CAMSAP2: variants seen among roughly 807,000 people sequenced by gnomAD.
The protein encoded by CAMSAP2 is calmodulin-regulated spectrin-associated protein 2.
A neutral mutation model predicts 146.1 loss-of-function variants in CAMSAP2; 26 were observed. That is an observed-to-expected ratio of 0.18 (90% CI 0.13 to 0.25). CAMSAP2 has a LOEUF of 0.25. CAMSAP2 is among the 10% of genes least tolerant of loss of function. The pLI is 1.00. For missense variants in CAMSAP2, 1,381 were observed against 1,759.3 expected (o/e 0.78, Z 3.85); for synonymous variants, 499 against 596.6 (o/e 0.84, Z 2.38).
Position 200,857,136 on chromosome 1 carries a change from A to T in CAMSAP2, c.4013-170A>T, listed in dbSNP as rs1231699602. Among the ~76,000 whole-genome samples the T allele has an allele frequency of 1.3e-5, 2 of 152,208 alleles. No individual in the cohort carries two copies. Among genetic ancestry groups the T allele is most frequent in the African/African-American group, 4.8e-5 (2 of 41,460 alleles). Reference sequence around the variant, plus strand: ...GAACATCCTCCATATCTCTGGGTGGATAAAACAATGTTTTGGTTGGATTGC... The same window carrying T: ...GAACATCCTCCATATCTCTGGGTGGTTAAAACAATGTTTTGGTTGGATTGC... On this transcript the variant is annotated intron_variant, in intron 15 of 16. Transcript: ENST00000358823. The surrounding 1 kb of genome is among the most constrained non-coding windows in gnomAD (Gnocchi z 4.7).
intron 2 of CAMSAP2, among the ~76,000 whole-genome samples, chr1:200,793,380 G>A (rs1033259569): frequency 5.2e-4 from 79 of 152,048 alleles, no homozygotes; most frequent in African/African-American, 1.8e-3. Context: ...TTTTTTTAAT[G>A]GATATTAGTA....
chr1:200,765,450 CG>C, intron 2 of CAMSAP2, among the ~76,000 whole-genome samples: 1 of 151,970 alleles, frequency 6.6e-6, no homozygotes, highest in Non-Finnish European at 1.5e-5. Flanking sequence ...AGGCTGGTCT[CG>C]AGCTCCTGAC....
intron 2 of CAMSAP2, among the ~76,000 whole-genome samples, chr1:200,774,339 C>T (rs1665206578): frequency 1.3e-5 from 2 of 152,078 alleles, no homozygotes; most frequent in South Asian, 4.1e-4. Context: ...TGCTCAGATT[C>T]CTTCTCAGCC....
intron 6 of CAMSAP2, among the ~76,000 whole-genome samples, chr1:200,840,877 T>C (rs1667307425): frequency 6.6e-6 from 1 of 152,174 alleles, no homozygotes. Context: ...TTTTAAATAG[T>C]TATGAAAACA....
chr1:200,792,905 G>A (rs551467555), intron 2 of CAMSAP2, among the ~76,000 whole-genome samples: 1 of 152,216 alleles, frequency 6.6e-6, no homozygotes, highest in South Asian at 2.1e-4. Flanking sequence ...GTTACCATTG[G>A]GGGAAACTGG....
intron 2 of CAMSAP2, among the ~76,000 whole-genome samples, chr1:200,770,899 A>G (rs1665098032): frequency 2.0e-5 from 3 of 152,208 alleles, no homozygotes; most frequent in Non-Finnish European, 4.4e-5. Flanking sequence ...GTAGAAAGAA[A>G]AAATGCATAG....
chr1:200,826,100 G>A (rs535267101), intron 4 of CAMSAP2, among the ~76,000 whole-genome samples: 2 of 152,160 alleles, frequency 1.3e-5, no homozygotes, highest in African/African-American at 2.4e-5. Context: ...TTCCATCAGC[G>A]ATTCGGCATA....
chr1:200,817,165 C>T (rs541764269), intron 4 of CAMSAP2, among the ~76,000 whole-genome samples: 22 of 68,080 alleles, frequency 3.2e-4, no homozygotes, highest in African/African-American at 1.4e-3. Context: ...CATACACACA[C>T]GTGTGTGTAT....
intron 2 of CAMSAP2, among the ~76,000 whole-genome samples, chr1:200,807,047 T>G (rs76038255): frequency 2.0e-3 from 307 of 152,256 alleles, no homozygotes; most frequent in African/African-American, 6.7e-3. Flanking sequence ...GAGGAAAGAC[T>G]GTCAAAGATG....
Position 200,859,742 on chromosome 1 carries a change from T to A in CAMSAP2, c.*1683T>A, listed in dbSNP as rs148238826. ...ACATATTGTGTATATAACATATGGA[T>A]ATTAAAAATGGGGAATTGCACATTT... On this transcript the variant is annotated 3_prime_UTR_variant, in exon 17 of 17. Coordinates refer to ENST00000358823, the MANE Select transcript of CAMSAP2 (RefSeq NM_203459.4). 2.0e-3 allele frequency: 304 copies of A among 152,366 alleles called. 1 individual carries two copies. The highest frequency in any genetic ancestry group is 7.0e-3 in the African/African-American group (293 of 41,564). The allele number at this position is 152,366 out of a possible 1,614,324, so 9.4% of individuals were successfully genotyped here. A position where few individuals can be genotyped will look rare whatever the true frequency, so the allele number is the denominator to read the frequency against.
chr1:200,767,233 A>G (rs926131310), intron 2 of CAMSAP2, among the ~76,000 whole-genome samples: 2 of 152,036 alleles, frequency 1.3e-5, no homozygotes, highest in Non-Finnish European at 1.5e-5. Flanking sequence ...TACTTGGCAC[A>G]TGCCTGTAAT....
chr1:200,753,591 G>GA (rs1438939107), intron 1 of CAMSAP2, among the ~76,000 whole-genome samples: 3 of 152,040 alleles, frequency 2.0e-5, no homozygotes, highest in African/African-American at 7.3e-5. Context: ...TAGACAGTAG[G>GA]AAAAAAACAA....
At position 200,810,302 on chromosome 1, in the gene CAMSAP2, G is replaced by A. The variant is rs577797424; in HGVS notation, c.561+2765G>A. ...TCTTATAAGAATACAGATTTGGGCC[G>A]GGCGTGGTGGCTCACACCTGTAATC... On this transcript the variant is annotated intron_variant, in intron 3 of 16. Transcript: ENST00000358823. Among the ~76,000 whole-genome samples, 18 of 152,252 alleles carry A rather than the reference G, an allele frequency of 1.2e-4. No individual in the cohort carries two copies. In the South Asian group the frequency reaches 2.9e-3, roughly 25 times the overall value.
At chr1:200,771,325 C>T (rs1665110957) in intron 2 of CAMSAP2, among the ~76,000 whole-genome samples, 1 of 151,698 alleles carries the variant, frequency 6.6e-6, no homozygotes, top group East Asian at 1.9e-4. Context: ...ATTAATTTTA[C>T]ATTGTTTTAG....
At position 200,784,933 on chromosome 1, in the gene CAMSAP2, A is replaced by C. The variant is rs1355201890; in HGVS notation, c.400-22443A>C. Among the ~76,000 whole-genome samples the C allele has an allele frequency of 2.0e-5, 3 of 152,350 alleles. No homozygotes were observed. The East Asian group carries it at 5.8e-4, about 29-fold the overall frequency. On this transcript the variant is annotated intron_variant, in intron 2 of 16. Transcript: ENST00000358823. ...AGTGCCTTTCTGTTCCACGTTTGCT[A>C]AGAAATATATGTATGTTTATGTTTT...
At chr1:200,827,421 C>A (rs1324098574) in intron 4 of CAMSAP2, among the ~76,000 whole-genome samples, 24 of 152,166 alleles carry the variant, frequency 1.6e-4, no homozygotes. Flanking sequence ...AAATTGGAAA[C>A]CCTGACACGT....
chr1:200,787,956 T>G (rs572378639), intron 2 of CAMSAP2, among the ~76,000 whole-genome samples: 73 of 152,314 alleles, frequency 4.8e-4, no homozygotes, highest in Non-Finnish European at 5.0e-4. Flanking sequence ...GTACATTGGT[T>G]TTTTAGACAT....
intron 1 of CAMSAP2, among the ~76,000 whole-genome samples, chr1:200,744,387 G>A (rs998848721): frequency 2.0e-5 from 3 of 152,202 alleles, no homozygotes; most frequent in Admixed American, 2.0e-4. Context: ...GAGATTTTGA[G>A]ATTTGGTGAC....
At chr1:200,761,166 T>C (rs913330903) in intron 2 of CAMSAP2, 68 bp downstream of exon 2, 1 of 1,381,760 alleles carries the variant, frequency 7.2e-7, no homozygotes, top group South Asian at 1.3e-5. Context: ...AATGATATAC[T>C]GTAAAACAGA....
Sources: gnomAD v4.1 joint callset for allele counts (sites outside exome capture counted in the v4.1 genomes callset) on GRCh38, gnomAD v4.1.1 for gene constraint, Gnocchi (gnomAD v3.1) non-coding constraint, MANE v1.5 for transcripts, NCBI Gene and HGNC (gene_info 2026-07-23, HGNC 2026-07-21) for gene names.